ARHGAP27: variants seen among roughly 807,000 people sequenced by gnomAD.
The protein encoded by ARHGAP27 is Rho GTPase activating protein 27, also known as rho GTPase-activating protein 27.
A neutral mutation model predicts 102.0 loss-of-function variants in ARHGAP27; 53 were observed. The ratio of observed to expected loss-of-function variants is 0.52; its 90% CI spans 0.42 to 0.65. The LOEUF is 0.65. Ranked by LOEUF, ARHGAP27 falls within the 30% of genes least tolerant of loss-of-function variation. The probability of loss-of-function intolerance (pLI) is 0.00; values close to 1 mark genes in which losing one functional copy is unlikely to be tolerated. For synonymous variants in ARHGAP27, 525 were observed against 542.8 expected (o/e 0.97, Z 0.46); for missense variants, 1,117 against 1,256.2 (o/e 0.89, Z 1.68).
intron 13 of ARHGAP27, chr17:45,397,694 T>G: frequency 2.5e-6 from 1 of 394,824 alleles, no homozygotes; most frequent in East Asian, 3.6e-5. Context: ...CTGCCTCCCG[T>G]GAAATGGGAA....
chr17:45,429,463 C>T, intron 4 of ARHGAP27, 160 bp downstream of exon 4: 1 of 1,472,146 alleles, frequency 6.8e-7, no homozygotes, highest in Non-Finnish European at 8.9e-7. Context: ...GCACCCCTCA[C>T]GTTTCGCGGT....
Position 45,430,302 on chromosome 17 carries a change from G to A in ARHGAP27, c.-18-5C>T, listed in dbSNP as rs374222813. The A allele has an allele frequency of 1.1e-4, 168 of 1,548,056 alleles. No individual in the cohort carries two copies. The highest frequency in any genetic ancestry group is 1.7e-4 in the Middle Eastern group (1 of 5,946). On this transcript the variant is annotated splice_polypyrimidine_tract_variant and splice_region_variant and intron_variant, in intron 3 of 19. Transcript: ENST00000685559. This position sits in a 1 kb window ranked among gnomAD's most constrained non-coding sequence, Gnocchi z 4.4. The stretch of plus-strand genomic sequence containing the variant: ...CATCGCAGCCGCGGCGTTTTCCTGC[G>A]GGCAACAAGAAGGAGGGCCGCGGAG...
intron 5 of ARHGAP27, among the ~76,000 whole-genome samples, chr17:45,405,381 C>G (rs577579079): frequency 1.3e-5 from 2 of 151,778 alleles, no homozygotes; most frequent in South Asian, 4.2e-4. Flanking sequence ...GGGTCAGAAG[C>G]GCTTAGAGGT....
At chr17:45,414,738 T>C (rs1383798433) in intron 4 of ARHGAP27, among the ~76,000 whole-genome samples, 3 of 146,946 alleles carry the variant, frequency 2.0e-5, no homozygotes, top group Non-Finnish European at 4.5e-5. Flanking sequence ...CCTGAGCCAC[T>C]GCACCCAATT....
In ARHGAP27 at chr17:45,412,962, CTTTTTTTTTTTTTTTTTTT is replaced by C. The variant is rs36233058; in HGVS notation, c.658-6898_658-6880del. ...GTGTGGCACCACGGCTCAGTATAAT[CTTTTTTTTTTTTTTTTTTT>C]TTTTTTTTTTTTTTTTTTAATGGAG... is the stretch of plus-strand genomic sequence containing the variant. On this transcript the variant is annotated intron_variant, in intron 4 of 19. Coordinates refer to ENST00000685559, the MANE Select transcript of ARHGAP27 (RefSeq NM_001282290.2). Among the ~76,000 whole-genome samples the C allele has an allele frequency of 3.9e-3, 162 of 41,144 alleles. 1 individual carries two copies. Among genetic ancestry groups the C allele is most frequent in the African/African-American group, 0.015 (149 of 10,274 alleles). 27.0% of individuals were successfully genotyped at this position (41,144 alleles called of 152,430 possible).
rs756210397 is a variant in ARHGAP27, at chr17:45,396,065, G to A, written c.2304C>T (p.Thr768=). The part of the protein sequence containing the change: ...DGRWEDVHVI[T]GALKLFFREL... Reference sequence around the variant, plus strand: ...CCCGAAAGAAGAGCTTCAGGGCTCCGGTGATAACGTGGACGTCCTCCCAGC... The same window carrying A: ...CCCGAAAGAAGAGCTTCAGGGCTCCAGTGATAACGTGGACGTCCTCCCAGC... Residue 768 remains threonine, a synonymous_variant, in exon 18 of 20, where the codon ACC becomes ACT. Transcript: ENST00000685559. 71 of 1,613,840 alleles carry A rather than the reference G, an allele frequency of 4.4e-5. No homozygotes were observed. Among genetic ancestry groups the A allele is most frequent in the Non-Finnish European group, 6.0e-5 (71 of 1,179,920 alleles).
At position 45,396,490 on chromosome 17, in the gene ARHGAP27, G is replaced by T. The variant is rs750099267; in HGVS notation, c.2170C>A (p.Arg724Ser). The T allele has an allele frequency of 5.2e-6, 8 of 1,538,736 alleles. No individual in the cohort carries two copies. Among genetic ancestry groups the T allele is most frequent in the African/African-American group, 1.4e-5 (1 of 73,140 alleles). The change falls in exon 16 of 20, where the codon CGC (arginine) becomes AGC (serine). Residue 724 changes from arginine to serine, a missense_variant. Arg to Ser is a moderately radical substitution (Grantham distance 110). Around this residue, in one of 3 missense-constraint regions of ARHGAP27, gnomAD observed 493 missense variants for 505.5 expected, o/e 0.98. Transcript: ENST00000685559. ...VQQCIRAVEA[R>S]GLDIDGLYRI... ...CTCACCCCCGCAGCGCACGTACCGC[G>T]GGCCTCGACGGCGCGGATGCACTGC...
rs1166897261 is a variant in ARHGAP27 at position 45,426,488 on chromosome 17, G to T, written c.657+3135C>A. Among the ~76,000 whole-genome samples the T allele has an allele frequency of 2.0e-5, 3 of 152,068 alleles. No homozygotes were observed. The East Asian group carries it at 5.8e-4, about 29-fold the overall frequency. On this transcript the variant is annotated intron_variant, in intron 4 of 19. Coordinates refer to ENST00000685559, the MANE Select transcript of ARHGAP27 (RefSeq NM_001282290.2). ...CACCATCCATGGCAGGAGCTCCTCT[G>T]TTCTGGGGGTCCCTGGCCCTGTCTG...
chr17:45,424,802 G>A (rs540036799), intron 4 of ARHGAP27, among the ~76,000 whole-genome samples: 6 of 152,272 alleles, frequency 3.9e-5, no homozygotes, highest in Non-Finnish European at 5.9e-5. Flanking sequence ...CACCTGCTCC[G>A]CAAAACCATT....
intron 4 of ARHGAP27, among the ~76,000 whole-genome samples, chr17:45,423,635 A>C (rs1014907765): frequency 6.6e-6 from 1 of 152,150 alleles, no homozygotes; most frequent in Non-Finnish European, 1.5e-5. Context: ...ATGCCATACA[A>C]TATCATAACT....
chr17:45,426,718 A>T (rs1294480826), intron 4 of ARHGAP27, among the ~76,000 whole-genome samples: 3 of 151,594 alleles, frequency 2.0e-5, no homozygotes, highest in African/African-American at 7.3e-5. Context: ...GGACGGTTCC[A>T]TCCATGACCC....
Position 45,404,379 on chromosome 17 carries a change from G to T in ARHGAP27, c.1414-45C>A, listed in dbSNP as rs533046797. 1.9e-6 allele frequency: 3 copies of T among 1,613,632 alleles called. No individual in the cohort carries two copies. In the African/African-American group the frequency reaches 4.0e-5, roughly 22 times the overall value. On this transcript the variant is annotated intron_variant, in intron 8 of 19. Transcript: ENST00000685559. The stretch of plus-strand genomic sequence containing the variant: ...GATCCCACCAAGTCCCTCCTCCCAG[G>T]AACTCCAGAAGCCCCCCACTGCTTC...
In ARHGAP27 at chr17:45,396,903, GCC is replaced by G; in HGVS notation, c.1951+11_1951+12del. On this transcript the variant is annotated intron_variant, in intron 14 of 19. Coordinates refer to ENST00000685559, the MANE Select transcript of ARHGAP27 (RefSeq NM_001282290.2). ...CCTCCTGGAGCCCCCACCCCATCCT[GCC>G]TTGCGCACACCTGCATTCGGTCGCG... 6.2e-7 allele frequency: 1 copy of G among 1,607,146 alleles called. No individual in the cohort carries two copies. The highest frequency in any genetic ancestry group is 8.5e-7 in the Non-Finnish European group (1 of 1,179,912).
At position 45,395,859 on chromosome 17, in the gene ARHGAP27, G is replaced by A. The variant is rs1178852898; in HGVS notation, c.2387-10C>T. 2 of 1,597,734 alleles carry A rather than the reference G, an allele frequency of 1.3e-6. No individual in the cohort carries two copies. The highest frequency in any genetic ancestry group is 1.3e-5 in the African/African-American group (1 of 74,734). ...GCCTGGTCCTGCAACTCTGGGTGAG[G>A]GAAGGTTTAGAGGGAGGGAGTCGGA... On this transcript the variant is annotated splice_polypyrimidine_tract_variant and intron_variant, in intron 18 of 19. Transcript: ENST00000685559.
chr17:45,422,161 A>T (rs1217710307), intron 4 of ARHGAP27, among the ~76,000 whole-genome samples: 2 of 152,074 alleles, frequency 1.3e-5, no homozygotes, highest in East Asian at 3.8e-4. Flanking sequence ...GCGAGACTCC[A>T]TCTCAAAAAA....
rs201648544 is a variant in ARHGAP27, at chr17:45,396,207, C to T, written c.2251G>A (p.Asp751Asn). The T allele has an allele frequency of 4.4e-6, 7 of 1,609,158 alleles. No individual in the cohort carries two copies. Among genetic ancestry groups the T allele is most frequent in the Non-Finnish European group, 5.1e-6 (6 of 1,177,064 alleles). The change falls in exon 17 of 20, where the codon GAT becomes AAT. Residue 751 changes from aspartate (D) to asparagine (N), a missense_variant and splice_region_variant. Transcript: ENST00000685559. The part of the protein sequence containing the change: ...IQKLRYKVDH[D>N]ERLDLDDGRW... ...GGCAGGGGTTGGGGACGGGCCTCAC[C>T]GTGGTCCACCTTATAGCGTAGCTTC... is the stretch of plus-strand genomic sequence containing the variant.
chr17:45,406,999 G>A (rs1470447738), intron 4 of ARHGAP27, among the ~76,000 whole-genome samples: 1 of 152,114 alleles, frequency 6.6e-6, no homozygotes, highest in African/African-American at 2.4e-5. Context: ...GGGCAGCTGG[G>A]GGTTCAATCA....
chr17:45,417,637 C>T (rs890174903), intron 4 of ARHGAP27, among the ~76,000 whole-genome samples: 6 of 151,756 alleles, frequency 4.0e-5, no homozygotes, highest in Non-Finnish European at 5.9e-5. Context: ...TGTGGTGGCA[C>T]TTGCTACTCG....
chr17:45,429,536 G>A, intron 4 of ARHGAP27, 87 bp downstream of exon 4: 1 of 1,549,174 alleles, frequency 6.5e-7, no homozygotes, highest in Admixed American at 2.0e-5. Flanking sequence ...GACGCTGAGC[G>A]GAGCGGGTCT....
Sources: allele counts gnomAD v4.1 joint callset (sites outside exome capture counted in the v4.1 genomes callset), GRCh38; gene constraint gnomAD v4.1.1; regional missense constraint gnomAD v4.1.1; non-coding constraint Gnocchi (gnomAD v3.1); transcripts MANE v1.5; gene names NCBI Gene and HGNC (gene_info 2026-07-23, HGNC 2026-07-21).